BTD: variants seen among roughly 807,000 people sequenced by gnomAD.
The protein encoded by BTD is biocytinase.
BTD carries 13 observed loss-of-function variants against 17.7 expected under a neutral mutation model. The observed-to-expected ratio is 0.74, with a 90% CI of 0.48 to 1.17. The LOEUF (loss-of-function observed/expected upper bound fraction) is 1.17, where lower values mean the gene tolerates loss of function less well. BTD is among the 50% of genes most tolerant of loss of function. The pLI, the probability that BTD is intolerant of heterozygous loss-of-function variation, is 0.00. For missense variants in BTD, 674 were observed against 650.4 expected (o/e 1.04, Z -0.39); for synonymous variants, 240 against 245.2 (o/e 0.98, Z 0.20).
At chr3:15,601,980 G>C (rs1167785646) in intron 1 of BTD, 86 bp downstream of exon 1, 1 of 1,577,226 alleles carries the variant, frequency 6.3e-7, no homozygotes, top group Non-Finnish European at 8.6e-7. Flanking sequence ...GTTGGACTTG[G>C]GGAGGGCTGC....
intron 3 of BTD, chr3:15,694,751 A>AGGGCTT: frequency 6.2e-7 from 1 of 1,613,466 alleles, no homozygotes; most frequent in Non-Finnish European, 8.5e-7. Context: ...CCAAGTGTAA[A>AGGGCTT]GGGCTTATTG....
At chr3:15,674,358 G>C (rs1380437084) in intron 3 of BTD, among the ~76,000 whole-genome samples, 1 of 147,190 alleles carries the variant, frequency 6.8e-6, no homozygotes, top group East Asian at 2.0e-4. Context: ...GTATGAGTGA[G>C]AGGAATCAAG....
chr3:15,610,728 C>G (rs1056682842), intron 1 of BTD, among the ~76,000 whole-genome samples: 1 of 152,108 alleles, frequency 6.6e-6, no homozygotes, highest in Admixed American at 6.6e-5. Context: ...TCTTTTGAAG[C>G]CATCTTGTTT....
At chr3:15,621,553 G>T (rs2455826) in intron 1 of BTD, among the ~76,000 whole-genome samples, 38,458 of 151,748 alleles carry the variant, frequency 0.25, 5,016 homozygotes, top group African/African-American at 0.27. Context: ...TGTTTTTCTT[G>T]TGTGAGTTTT....
In BTD at chr3:15,648,835, GACAC is replaced by G. The variant is rs1042016024; in HGVS notation, c.*3355_*3358del. 2.1e-4 allele frequency among the ~76,000 whole-genome samples: 31 copies of G among 149,226 alleles called. No individual in the cohort carries two copies. The highest frequency in any genetic ancestry group is 6.4e-4 in the African/African-American group (26 of 40,784). On this transcript the variant is annotated 3_prime_UTR_variant, in exon 4 of 4. Transcript: ENST00000643237. ...ACATGTCCTTATCAGAAGAGGAGAA[GACAC>G]ACACACAGGGAGAAGATGACCATGT...
intron 3 of BTD, chr3:15,685,992 T>C (rs778654500): frequency 5.6e-6 from 9 of 1,608,032 alleles, no homozygotes; most frequent in Non-Finnish European, 6.8e-6. Context: ...AAGAGCATAT[T>C]TCTGCTTACC....
chr3:15,713,510 C>T (rs1475011056), downstream of BTD: 10 of 1,599,538 alleles, frequency 6.3e-6, no homozygotes, highest in African/African-American at 5.4e-5. Flanking sequence ...GTTATCAACA[C>T]CTCGGTAAGT....
At chr3:15,655,446 CTTGGTGCAGTG>C (rs1286522875), downstream of BTD, among the ~76,000 whole-genome samples, 1 of 152,174 alleles carries the variant, frequency 6.6e-6, no homozygotes, top group Admixed American at 6.5e-5. Context: ...CAGATCTTTC[CTTGGTGCAGTG>C]TATATTGAAT....
In BTD at chr3:15,645,479, G is replaced by T. The variant is rs1458103009; in HGVS notation, c.1563G>T (p.Glu521Asp). ...CGGCTCTCTATGGGCGCTTGTATGA[G>T]AGGGACTAGGAAAAGTGTGTGGTCT... ...VTAALYGRLY[E>D]RD Residue 521 changes from glutamate to aspartate, a missense_variant, in exon 4 of 4, where the codon GAG becomes GAT. Physicochemically the swap from Glu to Asp is conservative, Grantham distance 45. Transcript: ENST00000643237. 6.2e-7 allele frequency: 1 copy of T among 1,606,016 alleles called. No homozygotes were observed. Among genetic ancestry groups the T allele is most frequent in the Non-Finnish European group, 8.5e-7 (1 of 1,179,984 alleles).
chr3:15,639,596 T>A (rs2065445348), intron 2 of BTD, among the ~76,000 whole-genome samples: 1 of 152,198 alleles, frequency 6.6e-6, no homozygotes, highest in Non-Finnish European at 1.5e-5. Flanking sequence ...TGGTACATTC[T>A]CCAGCTAATT....
intron 3 of BTD, chr3:15,679,190 A>T: frequency 3.0e-6 from 3 of 1,011,800 alleles, no homozygotes; most frequent in Non-Finnish European, 4.6e-6. Flanking sequence ...GGCTGGTCTT[A>T]AACTCCTGGC....
intron 1 of BTD, among the ~76,000 whole-genome samples, chr3:15,607,737 C>T (rs369351567): frequency 6.6e-6 from 1 of 152,034 alleles, no homozygotes; most frequent in Non-Finnish European, 1.5e-5. Flanking sequence ...AATTGCCTGA[C>T]ATAAGATAAA....
intron 1 of BTD, among the ~76,000 whole-genome samples, chr3:15,626,187 C>A (rs967069142): frequency 6.6e-6 from 1 of 152,218 alleles, no homozygotes; most frequent in Non-Finnish European, 1.5e-5. Context: ...ATCCCAGTAT[C>A]ATATTCAATC....
rs1470515364 is a variant in BTD, at chr3:15,674,196, A to AAAAAG, written c.399+32141_399+32142insAAGAA. Among the ~76,000 whole-genome samples the AAAAAG allele has an allele frequency of 2.6e-3, 340 of 130,082 alleles. 21 individuals are homozygous for AAAAAG. The highest frequency in any genetic ancestry group is 0.01 in the African/African-American group (318 of 30,688). The allele number at this position is 130,082 out of a possible 152,430, so 85.3% of individuals were successfully genotyped here. On this transcript the variant is annotated intron_variant, in intron 3 of 3. Coordinates refer to the BTD transcript ENST00000672141. ...CTTCAAAAAAAAAAAAAAAAAAAAA[A>AAAAAG]AAGAAGAAGAACCGAAATTCAAGAG...
chr3:15,696,229 A>G (rs758641172), intron 3 of BTD: 14 of 1,581,920 alleles, frequency 8.9e-6, no homozygotes, highest in Middle Eastern at 1.7e-4. Flanking sequence ...TCGTTTCTTA[A>G]TAAGTATTCC....
intron 3 of BTD, chr3:15,696,175 G>A: frequency 6.3e-7 from 1 of 1,593,916 alleles, no homozygotes; most frequent in Non-Finnish European, 8.6e-7. Context: ...GCTGAATAAT[G>A]AACTGCGTTG....
Position 15,635,473 on chromosome 3 carries a change from C to G in BTD, c.34C>G (p.Leu12Val). 3.1e-6 allele frequency: 5 copies of G among 1,614,196 alleles called. No homozygotes were observed. The highest frequency in any genetic ancestry group is 4.2e-6 in the Non-Finnish European group (5 of 1,180,024). ...AGCCAGAAGTAAGCTTGCTCTTTTC[C>G]TCTGCGGCTGTTACGTGGTTGCCCT... ...SGARSKLALF[L>V]CGCYVVALGA... The change falls in exon 2 of 4, where the codon CTC (leucine) becomes GTC (valine). Residue 12 changes from leucine (L) to valine (V), a missense_variant. Coordinates refer to ENST00000643237, the MANE Select transcript of BTD (RefSeq NM_001370658.1). This position sits in a 1 kb window ranked among gnomAD's most constrained non-coding sequence, Gnocchi z 4.1.
At chr3:15,657,436 A>G (rs144367804), downstream of BTD, among the ~76,000 whole-genome samples, 1 of 152,168 alleles carries the variant, frequency 6.6e-6, no homozygotes, top group African/African-American at 2.4e-5. Context: ...TATTAATCCC[A>G]TTTTACAGAT....
intron 3 of BTD, among the ~76,000 whole-genome samples, chr3:15,697,986 T>C (rs1175550905): frequency 6.6e-6 from 1 of 152,190 alleles, no homozygotes; most frequent in African/African-American, 2.4e-5. Context: ...CAAGAATTTA[T>C]CCCTTTCTTC....
Sources: gnomAD v4.1 joint callset for allele counts (sites outside exome capture counted in the v4.1 genomes callset) on GRCh38, gnomAD v4.1.1 for gene constraint, Gnocchi (gnomAD v3.1) non-coding constraint, MANE v1.5 for transcripts, NCBI Gene and HGNC (gene_info 2026-07-23, HGNC 2026-07-21) for gene names.